The following SCNN1B variants were observed in gnomAD, a reference collection of about 807,000 sequenced individuals.
The protein encoded by SCNN1B is epithelial sodium channel subunit beta.
A neutral mutation model predicts 65.3 loss-of-function variants in SCNN1B; 46 were observed. That is an observed-to-expected ratio of 0.70 (90% CI 0.56 to 0.90). SCNN1B has a LOEUF of 0.90. Among genes scored for constraint, SCNN1B ranks in the 40% least tolerant of loss-of-function variants. The pLI is 0.00. For synonymous variants in SCNN1B, 349 were observed against 330.6 expected (o/e 1.06, Z -0.60); for missense variants, 751 against 830.5 (o/e 0.90, Z 1.18).
intron 4 of SCNN1B, among the ~76,000 whole-genome samples, chr16:23,366,359 C>T (rs1962668800): frequency 1.3e-5 from 2 of 151,436 alleles, no homozygotes; most frequent in Admixed American, 6.6e-5. Flanking sequence ...ACACTCACCA[C>T]TACTCCTGGC....
At chr16:23,350,346 C>T (rs1438003658) in intron 2 of SCNN1B, among the ~76,000 whole-genome samples, 1 of 152,156 alleles carries the variant, frequency 6.6e-6, no homozygotes, top group Admixed American at 6.5e-5. Flanking sequence ...TTTAACCATT[C>T]TTCCGGATTG....
At chr16:23,310,930 G>A (rs1334950566) in intron 1 of SCNN1B, among the ~76,000 whole-genome samples, 1 of 152,260 alleles carries the variant, frequency 6.6e-6, no homozygotes, top group Non-Finnish European at 1.5e-5. Flanking sequence ...GCTGGTGAGG[G>A]TACAAATTGG....
chr16:23,346,840 G>A (rs1490268884), intron 1 of SCNN1B, among the ~76,000 whole-genome samples: 1 of 151,878 alleles, frequency 6.6e-6, no homozygotes, highest in Non-Finnish European at 1.5e-5. Context: ...ACACTTAGGT[G>A]CCAGGCATGA....
intron 1 of SCNN1B, among the ~76,000 whole-genome samples, chr16:23,330,922 G>A (rs1164804808): frequency 2.6e-5 from 4 of 152,102 alleles, no homozygotes; most frequent in Admixed American, 6.6e-5. Flanking sequence ...GAGATAACCC[G>A]GGTTATGGCT....
intron 2 of SCNN1B, among the ~76,000 whole-genome samples, chr16:23,285,199 C>T (rs968015080): frequency 4.6e-5 from 7 of 152,134 alleles, no homozygotes; most frequent in Non-Finnish European, 7.4e-5. Context: ...GAAGTTAAGA[C>T]TCTCACTCTG....
At chr16:23,357,632 A>G (rs1019670622) in intron 4 of SCNN1B, among the ~76,000 whole-genome samples, 2 of 152,218 alleles carry the variant, frequency 1.3e-5, no homozygotes, top group African/African-American at 4.8e-5. Flanking sequence ...GTTCTTGCAC[A>G]CAATGTCAAA....
chr16:23,359,111 GGTATCACTCT>G (rs1228282368), intron 4 of SCNN1B: 2 of 152,014 alleles, frequency 1.3e-5, no homozygotes, highest in Non-Finnish European at 2.9e-5. Context: ...TAAGAGACAG[GGTATCACTCT>G]GTTGCCCAGG....
At chr16:23,355,034 C>T (rs1227324031) in intron 3 of SCNN1B, among the ~76,000 whole-genome samples, 5 of 152,142 alleles carry the variant, frequency 3.3e-5, no homozygotes, top group Non-Finnish European at 7.4e-5. Context: ...GAGGGGTCTC[C>T]TAACCTCCCA....
At chr16:23,292,346 A>T (rs1244469075) in intron 2 of SCNN1B, among the ~76,000 whole-genome samples, 9 of 151,752 alleles carry the variant, frequency 5.9e-5, no homozygotes, top group Admixed American at 5.9e-4. Context: ...GGCGCCCGCC[A>T]CCACACCCAG....
intron 8 of SCNN1B, 85 bp from the exon 9 acceptor site, chr16:23,377,080 G>A: frequency 8.1e-7 from 1 of 1,233,582 alleles, no homozygotes; most frequent in Non-Finnish European, 1.2e-6. Flanking sequence ...GGAGAGCAGA[G>A]GGGCCAGCCA....
At chr16:23,321,381 G>A (rs1596833503) in intron 1 of SCNN1B, among the ~76,000 whole-genome samples, 1 of 152,006 alleles carries the variant, frequency 6.6e-6, no homozygotes, top group African/African-American at 2.4e-5. Flanking sequence ...GCTTGCCTCT[G>A]GCTGGGGCTC....
chr16:23,356,530 G>A (rs1289784508), intron 4 of SCNN1B, among the ~76,000 whole-genome samples: 1 of 151,836 alleles, frequency 6.6e-6, no homozygotes, highest in African/African-American at 2.4e-5. Context: ...AGGCTGAGGA[G>A]GGAGGATCAC....
chr16:23,305,577 T>TATTA (rs1418310041), intron 1 of SCNN1B, among the ~76,000 whole-genome samples: 2 of 23,658 alleles, frequency 8.5e-5, no homozygotes, highest in Non-Finnish European at 1.4e-4. Flanking sequence ...TATATATATA[T>TATTA]TATATATATA....
chr16:23,367,989 C>T, intron 5 of SCNN1B, 30 bp downstream of exon 5: 3 of 1,532,346 alleles, frequency 2.0e-6, no homozygotes, highest in Middle Eastern at 1.7e-4. Context: ...GGGGCCAGAG[C>T]CATGAGGCTT....
intron 2 of SCNN1B, among the ~76,000 whole-genome samples, chr16:23,284,583 G>T (rs1407267270): frequency 6.6e-6 from 1 of 152,162 alleles, no homozygotes; most frequent in Non-Finnish European, 1.5e-5. Context: ...AGGAGGCAGA[G>T]GGAAGGGCAG....
At chr16:23,282,133 T>C (rs1960792803) in intron 1 of SCNN1B, among the ~76,000 whole-genome samples, 1 of 152,184 alleles carries the variant, frequency 6.6e-6, no homozygotes, top group Non-Finnish European at 1.5e-5. Context: ...ATACACTATT[T>C]GGGTGATGGG....
At chr16:23,371,706 T>A (rs900689094) in intron 6 of SCNN1B, 70 bp from the exon 7 acceptor site, 1 of 1,304,688 alleles carries the variant, frequency 7.7e-7, no homozygotes, top group African/African-American at 1.5e-5. Context: ...AAATGCTTGA[T>A]AGAAGGGAGG....
rs955545651 is a variant in SCNN1B at position 23,380,501 on chromosome 16, G to A, written c.1623G>A (p.Gly541=). The A allele has an allele frequency of 1.2e-6, 2 of 1,614,112 alleles. No homozygotes were observed. The highest frequency in any genetic ancestry group is 1.7e-6 in the Non-Finnish European group (2 of 1,180,040). The change falls in exon 13 of 13, where the codon GGG becomes GGA. Residue 541 remains glycine, a synonymous_variant. Transcript: ENST00000343070. This position sits in a 1 kb window ranked among gnomAD's most constrained non-coding sequence, Gnocchi z 5.4. ...GGSVLCLIEF[G]EIIIDFVWIT... ...CTGTGCTGTGCCTCATCGAGTTTGG[G>A]GAGATCATCATCGACTTTGTGTGGA...
intron 1 of SCNN1B, among the ~76,000 whole-genome samples, chr16:23,307,985 C>T (rs1176957393): frequency 6.6e-6 from 1 of 151,014 alleles, no homozygotes; most frequent in Admixed American, 6.6e-5. Flanking sequence ...ATTGAGGCTG[C>T]AGTGAGCTAT....
Sources: gnomAD v4.1 joint callset for allele counts (sites outside exome capture counted in the v4.1 genomes callset) on GRCh38, gnomAD v4.1.1 for gene constraint, Gnocchi (gnomAD v3.1) non-coding constraint, MANE v1.5 for transcripts, NCBI Gene and HGNC (gene_info 2026-07-23, HGNC 2026-07-21) for gene names.